Variants in IKZF2 observed in about 807,000 individuals in gnomAD.
The protein encoded by IKZF2 is zinc finger protein Helios.
In IKZF2, 15 loss-of-function variants were observed where a neutral mutation model predicts 49.2. The observed-to-expected ratio is 0.30, with a 90% CI of 0.20 to 0.47. IKZF2 has a LOEUF of 0.47. Ranked by LOEUF, IKZF2 falls within the 20% of genes least tolerant of loss-of-function variation. The pLI, the probability that IKZF2 is intolerant of heterozygous loss-of-function variation, is 1.00. For missense variants in IKZF2, 567 were observed against 664.6 expected (o/e 0.85, Z 1.61); for synonymous variants, 227 against 221.4 (o/e 1.03, Z -0.23).
rs1694831400 is a variant in IKZF2, at chr2:213,000,717, G to A, written c.*6643C>T. ...TTTCTCCAATAGGTGATATGTAAGT[G>A]TTTAAAACTCAGCTAAGTGCTTTGC... On this transcript the variant is annotated 3_prime_UTR_variant, in exon 9 of 9. Transcript: ENST00000434687. 6.6e-6 allele frequency: 1 copy of A among 151,898 alleles called. No homozygotes were observed. The highest frequency in any genetic ancestry group is 1.5e-5 in the Non-Finnish European group (1 of 67,652). 9.4% of individuals were successfully genotyped at this position (151,898 alleles called of 1,614,324 possible). A position where few individuals can be genotyped will look rare whatever the true frequency, so the allele number is the denominator to read the frequency against.
At chr2:213,141,234 T>G (rs2060856597) in intron 4 of IKZF2, among the ~76,000 whole-genome samples, 1 of 151,880 alleles carries the variant, frequency 6.6e-6, no homozygotes, top group African/African-American at 2.4e-5. Context: ...TACTGCTAGC[T>G]TGCATGACTT....
chr2:213,141,961 T>C (rs73079220), intron 4 of IKZF2, among the ~76,000 whole-genome samples: 2,233 of 152,102 alleles, frequency 0.015, 52 homozygotes, highest in African/African-American at 0.051. Flanking sequence ...ACCCCCGAAG[T>C]GCACAATCAA....
intron 7 of IKZF2, among the ~76,000 whole-genome samples, chr2:213,018,525 A>T (rs542344223): frequency 1.3e-5 from 2 of 151,584 alleles, no homozygotes; most frequent in African/African-American, 4.8e-5. Flanking sequence ...CTCACACCAT[A>T]CCCCCTGCCC....
chr2:213,018,059 C>G (rs1401920281), intron 7 of IKZF2, among the ~76,000 whole-genome samples: 2 of 152,086 alleles, frequency 1.3e-5, no homozygotes, highest in Non-Finnish European at 2.9e-5. Context: ...ATAAACCTAA[C>G]AATATATATA....
intron 8 of IKZF2, among the ~76,000 whole-genome samples, chr2:213,009,827 G>A (rs1414632387): frequency 6.6e-6 from 1 of 152,034 alleles, no homozygotes; most frequent in Non-Finnish European, 1.5e-5. Context: ...TAATGTGATT[G>A]TAAACATAGC....
intron 6 of IKZF2, among the ~76,000 whole-genome samples, chr2:213,038,204 G>A (rs984239531): frequency 2.0e-5 from 3 of 152,020 alleles, no homozygotes; most frequent in African/African-American, 7.2e-5. Context: ...AACTACAGGG[G>A]CCTGCCACCA....
At chr2:213,018,060 A>C (rs569563395) in intron 7 of IKZF2, among the ~76,000 whole-genome samples, 1 of 152,246 alleles carries the variant, frequency 6.6e-6, no homozygotes, top group South Asian at 2.1e-4. Context: ...TAAACCTAAC[A>C]ATATATATAG....
intron 7 of IKZF2, among the ~76,000 whole-genome samples, chr2:213,015,951 G>A (rs549868358): frequency 6.6e-6 from 1 of 152,024 alleles, no homozygotes; most frequent in East Asian, 1.9e-4. Flanking sequence ...CACTCAAAAC[G>A]AAACCTGGGT....
chr2:213,101,361 T>G (rs1706635876), intron 4 of IKZF2, among the ~76,000 whole-genome samples: 1 of 152,100 alleles, frequency 6.6e-6, no homozygotes, highest in South Asian at 2.1e-4. Flanking sequence ...AACTTTTTCT[T>G]CTTTCAGAGG....
intron 4 of IKZF2, among the ~76,000 whole-genome samples, chr2:213,066,235 G>T (rs952548717): frequency 6.6e-6 from 1 of 152,076 alleles, no homozygotes; most frequent in East Asian, 1.9e-4. Context: ...CACTAAGGAC[G>T]CTTAAACAAG....
chr2:213,151,176 C>G lies in IKZF2; in HGVS notation c.-120+237G>C, dbSNP rs560787168. 2.0e-5 allele frequency among the ~76,000 whole-genome samples: 3 copies of G among 152,224 alleles called. No homozygotes were observed. The South Asian group carries it at 6.2e-4, about 32-fold the overall frequency. On this transcript the variant is annotated intron_variant, in intron 1 of 8. Transcript: ENST00000434687. ...CCTTTACAAAAATCATTACCCTAAT[C>G]AGAACCACAATCCATCCCTCCCAGA...
intron 4 of IKZF2, among the ~76,000 whole-genome samples, chr2:213,105,812 T>C (rs997052195): frequency 6.6e-6 from 1 of 152,206 alleles, no homozygotes; most frequent in African/African-American, 2.4e-5. Context: ...AAAACTTCTC[T>C]TGTGAAAATG....
At chr2:213,037,750 C>G (rs1559191154) in intron 6 of IKZF2, among the ~76,000 whole-genome samples, 1 of 152,178 alleles carries the variant, frequency 6.6e-6, no homozygotes, top group Non-Finnish European at 1.5e-5. Context: ...ACTGACACTG[C>G]TTGTGTAATT....
At chr2:213,121,030 C>A (rs967612483) in intron 4 of IKZF2, among the ~76,000 whole-genome samples, 4 of 152,090 alleles carry the variant, frequency 2.6e-5, no homozygotes, top group Admixed American at 2.6e-4. Context: ...AAATATTAAA[C>A]TGCTATTTAA....
chr2:213,083,295 T>C (rs527253330), intron 4 of IKZF2, among the ~76,000 whole-genome samples: 4 of 151,838 alleles, frequency 2.6e-5, no homozygotes, highest in Non-Finnish European at 5.9e-5. Context: ...CCATCTGTAT[T>C]TACAGCACTT....
chr2:213,052,145 T>C (rs1267217255), intron 5 of IKZF2, among the ~76,000 whole-genome samples: 1 of 152,026 alleles, frequency 6.6e-6, no homozygotes, highest in Non-Finnish European at 1.5e-5. Flanking sequence ...ACTCTAGATA[T>C]CTTCAAATCT....
intron 4 of IKZF2, among the ~76,000 whole-genome samples, chr2:213,106,652 AAAAAGAAAAAAG>A (rs1321490508): frequency 6.6e-6 from 1 of 151,692 alleles, no homozygotes; most frequent in Non-Finnish European, 1.5e-5. Context: ...TAAAAAAAAA[AAAAAGAAAAAAG>A]AAAAGAAAAG....
intron 4 of IKZF2, among the ~76,000 whole-genome samples, chr2:213,086,227 T>C (rs1285976239): frequency 6.6e-6 from 1 of 152,134 alleles, no homozygotes; most frequent in Non-Finnish European, 1.5e-5. Flanking sequence ...TATAACTCCA[T>C]GTGAGCATGT....
chr2:213,016,112 G>C (rs1433003962), intron 7 of IKZF2, among the ~76,000 whole-genome samples: 4 of 152,010 alleles, frequency 2.6e-5, no homozygotes, highest in African/African-American at 4.8e-5. Context: ...AATTGATCTT[G>C]TTTCTACCAC....
Sources: gnomAD v4.1 joint callset for allele counts (sites outside exome capture counted in the v4.1 genomes callset) on GRCh38, gnomAD v4.1.1 for gene constraint, MANE v1.5 for transcripts, NCBI Gene and HGNC (gene_info 2026-07-23, HGNC 2026-07-21) for gene names.